Variants in TRPM3 observed in about 807,000 individuals in gnomAD.
The protein encoded by TRPM3 is long transient receptor potential channel 3.
A neutral mutation model predicts 181.2 loss-of-function variants in TRPM3; 77 were observed. That is an observed-to-expected ratio of 0.42 (90% CI 0.35 to 0.51). TRPM3 has a LOEUF of 0.51. TRPM3 is among the 20% of genes least tolerant of loss of function. TRPM3 has a pLI of 0.01. For synonymous variants in TRPM3, 745 were observed against 796.4 expected (o/e 0.94, Z 1.09); for missense variants, 1,759 against 2,196.7 (o/e 0.80, Z 3.98).
At chr9:71,421,001 G>GAGAGAAAAAAAGAGAGAAAA (rs2093760674) in intron 1 of TRPM3, among the ~76,000 whole-genome samples, 3 of 123,020 alleles carry the variant, frequency 2.4e-5, no homozygotes, top group Non-Finnish European at 5.5e-5. Flanking sequence ...GAGAGAAAAA[G>GAGAGAAAAAAAGAGAGAAAA]AGAGAAAAAG....
chr9:71,376,393 A>AAAT (rs1312861553), intron 1 of TRPM3, among the ~76,000 whole-genome samples: 1 of 152,068 alleles, frequency 6.6e-6, no homozygotes, highest in East Asian at 1.9e-4. Flanking sequence ...ATAAGGTTAT[A>AAAT]AATATGTATC....
intron 1 of TRPM3, among the ~76,000 whole-genome samples, chr9:71,236,164 A>G (rs2081339198): frequency 6.6e-6 from 1 of 152,144 alleles, no homozygotes; most frequent in Non-Finnish European, 1.5e-5. Flanking sequence ...TGTGTTGTCT[A>G]TTGTGTGTTG....
intron 17 of TRPM3, among the ~76,000 whole-genome samples, chr9:70,616,781 T>G (rs888510728): frequency 3.9e-5 from 6 of 152,134 alleles, no homozygotes. Context: ...CAGCGCTGTA[T>G]TTCTCTCATG....
intron 1 of TRPM3, among the ~76,000 whole-genome samples, chr9:71,020,655 G>T (rs1299245011): frequency 6.6e-6 from 1 of 152,114 alleles, no homozygotes; most frequent in Non-Finnish European, 1.5e-5. Flanking sequence ...TCAGGAAAAT[G>T]CAAATTAAAC....
chr9:70,986,670 C>T (rs1352061853), intron 1 of TRPM3, among the ~76,000 whole-genome samples: 2 of 152,080 alleles, frequency 1.3e-5, no homozygotes, highest in African/African-American at 4.8e-5. Flanking sequence ...AGCTATTTTT[C>T]CCCTACCATA....
chr9:71,219,557 T>A (rs2080105517), intron 1 of TRPM3, among the ~76,000 whole-genome samples: 1 of 152,214 alleles, frequency 6.6e-6, no homozygotes, highest in Non-Finnish European at 1.5e-5. Flanking sequence ...TGCTGCTAAC[T>A]TGGGTTAACT....
intron 1 of TRPM3, among the ~76,000 whole-genome samples, chr9:71,282,083 AAGAAAGAG>A (rs1161632369): frequency 2.0e-5 from 1 of 50,034 alleles, no homozygotes; most frequent in African/African-American, 1.1e-4. Flanking sequence ...AAAGAAAGGA[AAGAAAGAG>A]AGAAAGAAAG....
At chr9:71,108,114 G>A (rs983375834) in intron 1 of TRPM3, among the ~76,000 whole-genome samples, 1 of 152,274 alleles carries the variant, frequency 6.6e-6, no homozygotes, top group Admixed American at 6.5e-5. Context: ...GTGAAGGAGA[G>A]TCTACTACTT....
intron 24 of TRPM3, 66 bp downstream of exon 24, chr9:70,552,778 T>C: frequency 6.4e-7 from 1 of 1,555,554 alleles, no homozygotes; most frequent in Non-Finnish European, 8.9e-7. Flanking sequence ...CGATTCTGCG[T>C]GATTGCCTAT....
intron 1 of TRPM3, among the ~76,000 whole-genome samples, chr9:71,162,384 T>C (rs2076325322): frequency 6.6e-6 from 1 of 152,032 alleles, no homozygotes; most frequent in South Asian, 2.1e-4. Context: ...AGACAGGATA[T>C]GACAACAGAC....
At chr9:71,341,241 A>G (rs761514681) in intron 1 of TRPM3, among the ~76,000 whole-genome samples, 2 of 152,196 alleles carry the variant, frequency 1.3e-5, no homozygotes, top group African/African-American at 4.8e-5. Context: ...ATGTGTCAAC[A>G]AAAGTGTAAG....
intron 22 of TRPM3, among the ~76,000 whole-genome samples, chr9:70,562,421 C>T (rs560085567): frequency 2.0e-5 from 3 of 152,274 alleles, no homozygotes; most frequent in East Asian, 3.9e-4. Flanking sequence ...GAATTCAGCC[C>T]CTACCTGGGG....
intron 1 of TRPM3, among the ~76,000 whole-genome samples, chr9:71,380,519 A>T (rs1469052548): frequency 6.6e-6 from 1 of 151,918 alleles, no homozygotes; most frequent in Non-Finnish European, 1.5e-5. Context: ...TCAGTAACCA[A>T]CTCAAGCCCA....
intron 1 of TRPM3, among the ~76,000 whole-genome samples, chr9:71,133,827 C>A (rs544954848): frequency 4.6e-5 from 7 of 152,174 alleles, no homozygotes; most frequent in Non-Finnish European, 7.4e-5. Context: ...GAAGAAAGGT[C>A]ATTTCCAATC....
intron 1 of TRPM3, among the ~76,000 whole-genome samples, chr9:71,074,312 G>A (rs1258462884): frequency 6.6e-6 from 1 of 152,126 alleles, no homozygotes; most frequent in Non-Finnish European, 1.5e-5. Flanking sequence ...AGAATTTCCT[G>A]TTAAAGATCT....
chr9:70,768,594 CTT>C (rs1247578634), intron 7 of TRPM3, among the ~76,000 whole-genome samples: 2 of 129,574 alleles, frequency 1.5e-5, no homozygotes, highest in Admixed American at 1.7e-4. Context: ...TAGAAACTAT[CTT>C]TTCTTTTTTT....
chr9:71,037,876 T>A (rs1166840115), intron 1 of TRPM3, among the ~76,000 whole-genome samples: 1 of 152,212 alleles, frequency 6.6e-6, no homozygotes, highest in Admixed American at 6.5e-5. Flanking sequence ...AAAACCTGGA[T>A]AACATCAGTC....
At chr9:70,880,164 TA>T (rs1411551551) in intron 1 of TRPM3, among the ~76,000 whole-genome samples, 15 of 152,174 alleles carry the variant, frequency 9.9e-5, no homozygotes, top group Admixed American at 9.8e-4. Flanking sequence ...AAAAAAATCT[TA>T]GGAAAGCTCT....
At chr9:71,430,121 C>T (rs931512349) in intron 1 of TRPM3, among the ~76,000 whole-genome samples, 1 of 152,112 alleles carries the variant, frequency 6.6e-6, no homozygotes, top group African/African-American at 2.4e-5. Flanking sequence ...TGCTTGCCAG[C>T]GTATCTTCTG....
Sources: gnomAD v4.1 joint callset for allele counts (sites outside exome capture counted in the v4.1 genomes callset) on GRCh38, gnomAD v4.1.1 for gene constraint, MANE v1.5 for transcripts, NCBI Gene and HGNC (gene_info 2026-07-23, HGNC 2026-07-21) for gene names.